CDH2: variants seen among roughly 807,000 people sequenced by gnomAD.
CDH2 encodes the protein cadherin 2.
Under a neutral mutation model 92.0 loss-of-function variants are expected in CDH2, and 17 were observed. The observed-to-expected ratio is 0.18, with a 90% CI of 0.13 to 0.28. The LOEUF is 0.28. CDH2 is among the 10% of genes least tolerant of loss of function. The pLI, the probability that CDH2 is intolerant of heterozygous loss-of-function variation, is 1.00. For synonymous variants in CDH2, 419 were observed against 415.9 expected (o/e 1.01, Z -0.09); for missense variants, 862 against 1,133.1 (o/e 0.76, Z 3.44).
At chr18:28,151,526 T>A (rs533591679) in intron 1 of CDH2, among the ~76,000 whole-genome samples, 4 of 152,302 alleles carry the variant, frequency 2.6e-5, no homozygotes, top group Non-Finnish European at 4.4e-5. Context: ...AAAAGAGGTA[T>A]CTACCTACCC....
At chr18:27,964,530 T>C (rs1785614) in intron 14 of CDH2, among the ~76,000 whole-genome samples, 150,197 of 152,342 alleles carry the variant, frequency 0.99, 74,072 homozygotes, top group Middle Eastern at 1. Flanking sequence ...GATGTAGTTA[T>C]GCTTTTCTTA....
intron 5 of CDH2, among the ~76,000 whole-genome samples, chr18:28,007,165 A>AAAATATATATAT (rs1172779200): frequency 2.8e-4 from 31 of 110,458 alleles, no homozygotes; most frequent in Non-Finnish European, 3.9e-4. Flanking sequence ...ATAAAAAAAA[A>AAAATATATATAT]ATATATATAT....
chr18:28,030,408 G>T (rs985933442), intron 2 of CDH2, among the ~76,000 whole-genome samples: 1 of 152,060 alleles, frequency 6.6e-6, no homozygotes, highest in Non-Finnish European at 1.5e-5. Flanking sequence ...CTTCTGGAGA[G>T]CATGGCATGG....
At chr18:27,985,785 A>G (rs1221860091) in intron 11 of CDH2, 24 bp from the exon 12 acceptor site, 2 of 1,355,954 alleles carry the variant, frequency 1.5e-6, no homozygotes, top group East Asian at 2.3e-5. Flanking sequence ...AAAATCACAA[A>G]TGATGCTGAA....
Position 27,981,079 on chromosome 18 carries a change from C to T in CDH2, c.2349+1865G>A, listed in dbSNP as rs556805000. On this transcript the variant is annotated intron_variant, in intron 14 of 15. Coordinates refer to ENST00000269141, the MANE Select transcript of CDH2 (RefSeq NM_001792.5). ...CATTAAATACCCCACGGTCCAGTCC[C>T]TATACGAGAATTTTCTTGGTTCTTG... Among the ~76,000 whole-genome samples the T allele has an allele frequency of 2.0e-5, 3 of 152,216 alleles. No individual in the cohort carries two copies. In the East Asian group the frequency reaches 5.8e-4, roughly 29 times the overall value.
intron 5 of CDH2, among the ~76,000 whole-genome samples, chr18:28,007,548 T>C (rs2012974951): frequency 6.6e-6 from 1 of 152,166 alleles, no homozygotes; most frequent in Non-Finnish European, 1.5e-5. Context: ...ATTTTAATAC[T>C]GCCATTCAAT....
chr18:27,957,911 A>G (rs1417303381), intron 15 of CDH2, among the ~76,000 whole-genome samples: 3 of 152,142 alleles, frequency 2.0e-5, no homozygotes, highest in East Asian at 3.9e-4. Context: ...GTGGATTTTA[A>G]TTGTTTTCTT....
At chr18:28,009,965 T>C (rs1473643749) in intron 4 of CDH2, 93 bp from the exon 5 acceptor site, 1 of 883,100 alleles carries the variant, frequency 1.1e-6, no homozygotes, top group Non-Finnish European at 1.6e-6. Context: ...CTTTTTCAGC[T>C]ACAAACTTAT....
intron 2 of CDH2, among the ~76,000 whole-genome samples, chr18:28,052,075 T>C (rs2144128317): frequency 6.6e-6 from 1 of 152,266 alleles, no homozygotes; most frequent in Middle Eastern, 3.4e-3. Flanking sequence ...AGCCCAAACG[T>C]AATGAATAAC....
intron 2 of CDH2, among the ~76,000 whole-genome samples, chr18:28,119,949 T>C (rs2015559322): frequency 6.6e-6 from 1 of 151,976 alleles, no homozygotes; most frequent in African/African-American, 2.4e-5. Context: ...GAGGACCAAA[T>C]GACAATGAAG....
chr18:28,018,809 C>T (rs994247234), intron 2 of CDH2, among the ~76,000 whole-genome samples: 1 of 151,462 alleles, frequency 6.6e-6, no homozygotes, highest in African/African-American at 2.4e-5. Context: ...CCAGCAAATC[C>T]ACTTCTGAGT....
chr18:27,952,458 C>A, intron 15 of CDH2, 99 bp from the exon 16 acceptor site: 1 of 887,196 alleles, frequency 1.1e-6, no homozygotes, highest in South Asian at 1.5e-5. Flanking sequence ...CAAACAAACA[C>A]TTGTTTGTAA....
At chr18:27,936,347 C>G (rs548132770) in intron 6 of CDH2, among the ~76,000 whole-genome samples, 1 of 152,106 alleles carries the variant, frequency 6.6e-6, no homozygotes, top group Non-Finnish European at 1.5e-5. Flanking sequence ...GAGTAACTGA[C>G]GATTCTGGGA....
chr18:28,026,029 C>G (rs963847697), intron 2 of CDH2, among the ~76,000 whole-genome samples: 13 of 152,010 alleles, frequency 8.6e-5, no homozygotes, highest in Non-Finnish European at 1.8e-4. Context: ...TATGAAGTCA[C>G]CAATAAGTAT....
intron 2 of CDH2, among the ~76,000 whole-genome samples, chr18:28,133,581 C>CAAAAAA (rs765999292): frequency 2.1e-5 from 1 of 47,236 alleles, no homozygotes. Flanking sequence ...GACTCTGTCT[C>CAAAAAA]AAAAAAAAAA....
At chr18:28,044,612 A>G (rs142648760) in intron 2 of CDH2, among the ~76,000 whole-genome samples, 77 of 152,326 alleles carry the variant, frequency 5.1e-4, no homozygotes, top group African/African-American at 1.7e-3. Flanking sequence ...AAGTGCATAC[A>G]TGCCTTGCTT....
intron 2 of CDH2, among the ~76,000 whole-genome samples, chr18:28,082,553 C>A (rs17463295): frequency 0.16 from 24,727 of 152,098 alleles, 2,319 homozygotes; most frequent in East Asian, 0.3. Flanking sequence ...AGGTACCCCC[C>A]ATTCAAAAAT....
rs2014881671 is a variant in CDH2, at chr18:28,084,062, T to A, written c.172+63611A>T. ...TAAGCAAATCAGCCATGAAGACTTT[T>A]GTCTGACAAATTCAAATGAACAAAC... On this transcript the variant is annotated intron_variant, in intron 2 of 15. Coordinates refer to ENST00000269141, the MANE Select transcript of CDH2 (RefSeq NM_001792.5). Among the ~76,000 whole-genome samples, 3 of 152,166 alleles carry A rather than the reference T, an allele frequency of 2.0e-5. 1 individual carries two copies. The highest frequency in any genetic ancestry group is 2.0e-4 in the Admixed American group (3 of 15,268).
At chr18:27,992,540 G>C in intron 9 of CDH2, 115 bp downstream of exon 9, 1 of 785,416 alleles carries the variant, frequency 1.3e-6, no homozygotes, top group South Asian at 2.1e-5. Flanking sequence ...CCCACATCTG[G>C]AGATGTCTGA....
Sources: allele counts gnomAD v4.1 joint callset (sites outside exome capture counted in the v4.1 genomes callset), GRCh38; gene constraint gnomAD v4.1.1; transcripts MANE v1.5; gene names NCBI Gene and HGNC (gene_info 2026-07-23, HGNC 2026-07-21).